Variants in SGSM1 observed in about 807,000 individuals in gnomAD.
SGSM1 encodes the protein small G protein signaling modulator 1, also known as RUN and TBC1 domain containing 2.
SGSM1 carries 73 observed loss-of-function variants against 133.8 expected under a neutral mutation model. That is an observed-to-expected ratio of 0.55 (90% confidence interval 0.45 to 0.66). The LOEUF is 0.66. Ranked by LOEUF, SGSM1 falls within the 30% of genes least tolerant of loss-of-function variation. The pLI, the probability that SGSM1 is intolerant of heterozygous loss-of-function variation, is 0.00. For synonymous variants in SGSM1, 563 were observed against 573.0 expected (o/e 0.98, Z 0.25); for missense variants, 1,213 against 1,448.1 (o/e 0.84, Z 2.64).
intron 3 of SGSM1, among the ~76,000 whole-genome samples, chr22:24,846,645 T>C (rs1930166171): frequency 4.6e-5 from 7 of 152,212 alleles, no homozygotes; most frequent in Admixed American, 4.6e-4. Flanking sequence ...TTGTCCATTG[T>C]TTCTTATAAG....
intron 19 of SGSM1, 71 bp downstream of exon 19, chr22:24,898,630 T>A: frequency 7.0e-7 from 1 of 1,438,022 alleles, no homozygotes; most frequent in Non-Finnish European, 9.4e-7. Context: ...ACTACAAGCC[T>A]GTTATCCAGA....
intron 2 of SGSM1, among the ~76,000 whole-genome samples, chr22:24,806,974 C>T (rs945157065): frequency 2.6e-5 from 4 of 152,060 alleles, no homozygotes; most frequent in African/African-American, 9.7e-5. Flanking sequence ...GTCCTTGGAG[C>T]CACCTCCAAG....
intron 5 of SGSM1, among the ~76,000 whole-genome samples, chr22:24,851,877 C>T (rs1274838372): frequency 6.6e-6 from 1 of 152,168 alleles, no homozygotes; most frequent in Non-Finnish European, 1.5e-5. Context: ...AAAGAAACTG[C>T]AAGAAATCCA....
intron 5 of SGSM1, among the ~76,000 whole-genome samples, chr22:24,851,517 A>G (rs975460892): frequency 6.6e-6 from 1 of 151,786 alleles, no homozygotes; most frequent in Non-Finnish European, 1.5e-5. Context: ...CTTTCAGAAT[A>G]TGAAAGTGCT....
chr22:24,912,430 G>C (rs1055018646), intron 21 of SGSM1, among the ~76,000 whole-genome samples: 4 of 152,150 alleles, frequency 2.6e-5, no homozygotes, highest in African/African-American at 4.8e-5. Flanking sequence ...TGTAATCCCA[G>C]TACTTTGGGA....
chr22:24,840,700 C>T (rs990885295), intron 2 of SGSM1, among the ~76,000 whole-genome samples: 14 of 151,990 alleles, frequency 9.2e-5, no homozygotes, highest in Non-Finnish European at 1.8e-4. Context: ...TCTTCTTTTT[C>T]TTGTTCCTTA....
At chr22:24,867,810 C>G (rs139797926) in intron 10 of SGSM1, among the ~76,000 whole-genome samples, 2 of 152,306 alleles carry the variant, frequency 1.3e-5, no homozygotes, top group East Asian at 3.9e-4. Context: ...GATTCAGACC[C>G]AGACTCTGCC....
chr22:24,851,669 T>C (rs1345714793), intron 5 of SGSM1, among the ~76,000 whole-genome samples: 4 of 152,190 alleles, frequency 2.6e-5, no homozygotes, highest in Non-Finnish European at 1.5e-5. Flanking sequence ...CCAACAGTCA[T>C]GCTGATAATA....
chr22:24,886,859 G>C (rs1240034853), intron 16 of SGSM1, 131 bp downstream of exon 16: 1 of 1,223,342 alleles, frequency 8.2e-7, no homozygotes, highest in African/African-American at 1.5e-5. Flanking sequence ...GAACCTGAAG[G>C]CGGCGCTGTC....
intron 8 of SGSM1, among the ~76,000 whole-genome samples, chr22:24,859,427 G>C (rs144278990): frequency 6.6e-6 from 1 of 152,148 alleles, no homozygotes; most frequent in African/African-American, 2.4e-5. Flanking sequence ...AAGGAACCTG[G>C]GGTCAGGGAC....
At chr22:24,902,972 G>T (rs1299497341) in intron 20 of SGSM1, among the ~76,000 whole-genome samples, 1 of 152,024 alleles carries the variant, frequency 6.6e-6, no homozygotes, top group Non-Finnish European at 1.5e-5. Flanking sequence ...AACCTGGGAG[G>T]TTGAGGCAAC....
intron 5 of SGSM1, among the ~76,000 whole-genome samples, chr22:24,850,806 T>C (rs912242323): frequency 1.3e-5 from 2 of 152,126 alleles, no homozygotes; most frequent in Non-Finnish European, 2.9e-5. Context: ...ATTTTGCAAA[T>C]GCATGGTGAG....
At chr22:24,883,962 T>C in intron 14 of SGSM1, 91 bp from the exon 15 acceptor site, 13 of 1,413,270 alleles carry the variant, frequency 9.2e-6, no homozygotes, top group Non-Finnish European at 1.2e-5. Context: ...TTTAAAAAAT[T>C]TGAGGTGGGA....
chr22:24,913,217 T>C (rs1208455972), intron 22 of SGSM1, among the ~76,000 whole-genome samples: 1 of 142,190 alleles, frequency 7.0e-6, no homozygotes, highest in East Asian at 2.0e-4. Context: ...GGCGTGAACC[T>C]GGGAGGCAGA....
intron 5 of SGSM1, among the ~76,000 whole-genome samples, chr22:24,852,660 C>T (rs1930549200): frequency 6.6e-6 from 1 of 152,142 alleles, no homozygotes; most frequent in East Asian, 1.9e-4. Context: ...GCAGACTGGT[C>T]TCGAACTCCT....
At chr22:24,904,899 G>T (rs148309462) in intron 20 of SGSM1, among the ~76,000 whole-genome samples, 1,847 of 152,214 alleles carry the variant, frequency 0.012, 21 homozygotes, top group Middle Eastern at 0.027. Flanking sequence ...GCCTGAAGAG[G>T]CCTCCTGAGT....
Position 24,895,144 on chromosome 22 carries a change from C to A in SGSM1, c.1954-79C>A. The A allele has an allele frequency of 2.1e-6, 3 of 1,418,314 alleles. 1 individual carries two copies. Among genetic ancestry groups the A allele is most frequent in the South Asian group, 2.5e-5 (2 of 81,400 alleles). The allele number at this position is 1,418,314 out of a possible 1,614,324, so 87.9% of individuals were successfully genotyped here. A position where few individuals can be genotyped will look rare whatever the true frequency, so the allele number is the denominator to read the frequency against. ...ATAGAGATGCAACTAGACTTTCTGGCTCCCAGCCCAGCAGTCCTTCCTGCT... is the reference window on the plus strand; with the variant it reads ...ATAGAGATGCAACTAGACTTTCTGGATCCCAGCCCAGCAGTCCTTCCTGCT... On this transcript the variant is annotated intron_variant, in intron 17 of 24. Transcript: ENST00000400358.
At chr22:24,832,134 T>C (rs1569138124) in intron 2 of SGSM1, among the ~76,000 whole-genome samples, 1 of 152,242 alleles carries the variant, frequency 6.6e-6, no homozygotes, top group Non-Finnish European at 1.5e-5. Context: ...TTAGTTCATC[T>C]GATCCCTAGA....
chr22:24,849,222 G>GGT lies in SGSM1; in HGVS notation c.303-1057_303-1056dup, dbSNP rs1255396895. Among the ~76,000 whole-genome samples, 6 of 151,506 alleles carry GGT rather than the reference G, an allele frequency of 4.0e-5. No individual in the cohort carries two copies. The East Asian group carries it at 9.7e-4, about 25-fold the overall frequency. The stretch of plus-strand genomic sequence containing the variant: ...TGAAGAGGGCCAATGCTTGCCACAT[G>GGT]GTAGACTCTCAGTAAGTATTTTATT... On this transcript the variant is annotated intron_variant, in intron 4 of 24. Transcript: ENST00000400358.
Sources: allele counts gnomAD v4.1 joint callset (sites outside exome capture counted in the v4.1 genomes callset), GRCh38; gene constraint gnomAD v4.1.1; transcripts MANE v1.5; gene names NCBI Gene and HGNC (gene_info 2026-07-23, HGNC 2026-07-21).